PNPLA7: variants seen among roughly 807,000 people sequenced by gnomAD.
PNPLA7 encodes patatin like domain 7, lysophospholipase.
A neutral mutation model predicts 161.7 loss-of-function variants in PNPLA7; 153 were observed. The ratio of observed to expected loss-of-function variants is 0.95; its 90% CI spans 0.83 to 1.08. The LOEUF (loss-of-function observed/expected upper bound fraction) is 1.08. PNPLA7 is among the 50% of genes least tolerant of loss of function. PNPLA7 has a pLI of 0.00. For synonymous variants in PNPLA7, 809 were observed against 782.1 expected (o/e 1.03, Z -0.57); for missense variants, 1,739 against 1,856.6 (o/e 0.94, Z 1.16).
At chr9:137,483,418 T>C (rs990974198) in intron 21 of PNPLA7, among the ~76,000 whole-genome samples, 1 of 152,226 alleles carries the variant, frequency 6.6e-6, no homozygotes, top group African/African-American at 2.4e-5. Context: ...AGGCAATCCA[T>C]GCTTTATGTG....
chr9:137,500,323 C>T lies in PNPLA7; in HGVS notation c.1757+368G>A, dbSNP rs771795412. 3.9e-5 allele frequency among the ~76,000 whole-genome samples: 6 copies of T among 152,350 alleles called. No individual in the cohort carries two copies. Among genetic ancestry groups the T allele is most frequent in the Non-Finnish European group, 5.9e-5 (4 of 68,032 alleles). ...CAGGCTGCAGAGGTGGGACGGCTCA[C>T]GGCCCCTGAAGCCCGGCCCTGCCCC... On this transcript the variant is annotated intron_variant, in intron 16 of 34. Transcript: ENST00000406427. This position sits in a 1 kb window ranked among gnomAD's most constrained non-coding sequence, Gnocchi z 5.5.
chr9:137,492,863 A>G (rs1832844946), intron 20 of PNPLA7, 150 bp downstream of exon 20: 1 of 663,464 alleles, frequency 1.5e-6, no homozygotes. Context: ...GCAGGGCTTC[A>G]TGACAGGGAA....
intron 22 of PNPLA7, 64 bp from the exon 23 acceptor site, chr9:137,480,544 C>T (rs1564293516): frequency 2.6e-6 from 4 of 1,527,984 alleles, no homozygotes; most frequent in East Asian, 4.6e-5. Flanking sequence ...GCACATGTCC[C>T]CGGGGCAAAG....
intron 18 of PNPLA7, 118 bp downstream of exon 18, chr9:137,497,069 A>G (rs1279486598): frequency 7.9e-7 from 1 of 1,262,594 alleles, no homozygotes; most frequent in Admixed American, 4.0e-5. Context: ...CACTACTACC[A>G]TCCACTCCTG....
At chr9:137,503,934 A>AT (rs1833729645) in intron 14 of PNPLA7, among the ~76,000 whole-genome samples, 1 of 120,604 alleles carries the variant, frequency 8.3e-6, no homozygotes, top group Non-Finnish European at 1.9e-5. Flanking sequence ...AGAAGGAAGA[A>AT]GAAGAAGGAA....
chr9:137,483,972 C>T (rs956909154), intron 21 of PNPLA7, among the ~76,000 whole-genome samples: 4 of 151,940 alleles, frequency 2.6e-5, no homozygotes, highest in Admixed American at 6.6e-5. Context: ...CTTGCTCTGT[C>T]GCCCAGGCTG....
chr9:137,468,205 C>A lies in PNPLA7; in HGVS notation c.2883-732G>T, dbSNP rs73669106. ...CACCCCCGAGACCAGGGGGCACCCC[C>A]GAGACCAGGCAGCCGGCACCCAGGG... On this transcript the variant is annotated intron_variant, in intron 25 of 34. Coordinates refer to ENST00000406427, the MANE Select transcript of PNPLA7 (RefSeq NM_001098537.3). This position sits in a 1 kb window ranked among gnomAD's most constrained non-coding sequence, Gnocchi z 4.0. Among the ~76,000 whole-genome samples the A allele has an allele frequency of 8.5e-5, 13 of 152,072 alleles. No individual in the cohort carries two copies. In the East Asian group the frequency reaches 2.5e-3, roughly 29 times the overall value.
rs1413426088 is a variant in PNPLA7 at position 137,499,502 on chromosome 9, G to C, written c.1757+1189C>G. ...TGGAGCAGCTGGGGATGCTCAGGAG[G>C]GAGATGGGTCCAGCTCCACCCAGGG... On this transcript the variant is annotated intron_variant, in intron 16 of 34. Transcript: ENST00000406427. The surrounding 1 kb of genome is among the most constrained non-coding windows in gnomAD (Gnocchi z 5.5). 5.9e-5 allele frequency among the ~76,000 whole-genome samples: 9 copies of C among 152,216 alleles called. No homozygotes were observed.
rs768304170 is a variant in PNPLA7, at chr9:137,540,687, C to T, written c.702G>A (p.Ala234=). 35 of 1,611,936 alleles carry T rather than the reference C, an allele frequency of 2.2e-5. No individual in the cohort carries two copies. Among genetic ancestry groups the T allele is most frequent in the African/African-American group, 2.7e-5 (2 of 74,916 alleles). ...TGAGCAGGCTGTGGACGCTGTCTCC[C>T]GCCAGAACCTCTTTCACCACCACCT... ...GTEVVVKEVL[A]GDSVHSLLSI... The change falls in exon 8 of 35, where the codon GCG becomes GCA. Residue 234 remains alanine, a synonymous_variant. Coordinates refer to ENST00000406427, the MANE Select transcript of PNPLA7 (RefSeq NM_001098537.3). This position sits in a 1 kb window ranked among gnomAD's most constrained non-coding sequence, Gnocchi z 5.1.
intron 14 of PNPLA7, among the ~76,000 whole-genome samples, chr9:137,504,294 A>G (rs1833796691): frequency 6.6e-6 from 1 of 152,050 alleles, no homozygotes; most frequent in Non-Finnish European, 1.5e-5. Flanking sequence ...TCACTGCAAC[A>G]TCCGTCTCCC....
At chr9:137,469,389 T>C (rs1484212838) in intron 25 of PNPLA7, among the ~76,000 whole-genome samples, 1 of 152,192 alleles carries the variant, frequency 6.6e-6, no homozygotes, top group Non-Finnish European at 1.5e-5. Context: ...GGGAGCTGTA[T>C]CTGAAGAGAC....
intron 24 of PNPLA7, chr9:137,478,834 C>G (rs866215318): frequency 6.2e-5 from 37 of 601,444 alleles, no homozygotes; most frequent in African/African-American, 4.0e-4. Flanking sequence ...CGATGGCCGC[C>G]CTGTGCCTGC....
At chr9:137,462,933 G>C (rs1451588225) in intron 29 of PNPLA7, 100 bp from the exon 30 acceptor site, 4 of 1,502,602 alleles carry the variant, frequency 2.7e-6, no homozygotes, top group Non-Finnish European at 3.6e-6. Flanking sequence ...GGGGTTGTGG[G>C]GTCTCCTCTC....
chr9:137,517,716 T>TCACG (rs1834686029), intron 11 of PNPLA7, among the ~76,000 whole-genome samples: 1 of 66,302 alleles, frequency 1.5e-5, no homozygotes, highest in African/African-American at 8.8e-5. Context: ...CATCCCCCAC[T>TCACG]CACTCACTCC....
At chr9:137,549,569 CA>C (rs57732454) in intron 1 of PNPLA7, among the ~76,000 whole-genome samples, 4,237 of 95,962 alleles carry the variant, frequency 0.044, 116 homozygotes, top group African/African-American at 0.11. Context: ...GACTCCGTCT[CA>C]AAAAAAAAAA....
chr9:137,538,391 G>T (rs2132603513), intron 8 of PNPLA7, among the ~76,000 whole-genome samples: 1 of 152,360 alleles, frequency 6.6e-6, no homozygotes, highest in Admixed American at 6.5e-5. Context: ...CCCGATGTCT[G>T]GCTGGAGCTT....
chr9:137,494,485 TCAC>T (rs753849477), intron 19 of PNPLA7, among the ~76,000 whole-genome samples: 2 of 152,130 alleles, frequency 1.3e-5, no homozygotes, highest in African/African-American at 2.4e-5. Context: ...GACCGAATGA[TCAC>T]CACAACTCAG....
chr9:137,518,175 C>T (rs1397290123), intron 11 of PNPLA7, among the ~76,000 whole-genome samples: 13 of 111,626 alleles, frequency 1.2e-4, no homozygotes, highest in East Asian at 2.7e-4. Flanking sequence ...TCCACTCTGT[C>T]CACTCCATCC....
At position 137,462,059 on chromosome 9, in the gene PNPLA7, GCCC is replaced by G; in HGVS notation, c.3646-21_3646-19del. Reference sequence around the variant, plus strand: ...CCCACTTCCTGTGCACACCCCCAGGGCCCCGTCAGGAGGTGTGGGGAGCCCCCC... The same window carrying G: ...CCCACTTCCTGTGCACACCCCCAGGGCGTCAGGAGGTGTGGGGAGCCCCCC... On this transcript the variant is annotated intron_variant, in intron 31 of 34. Coordinates refer to ENST00000406427, the MANE Select transcript of PNPLA7 (RefSeq NM_001098537.3). 3 of 1,561,310 alleles carry G rather than the reference GCCC, an allele frequency of 1.9e-6. No individual in the cohort carries two copies. Among genetic ancestry groups the G allele is most frequent in the Non-Finnish European group, 2.6e-6 (3 of 1,152,392 alleles).
Sources: gnomAD v4.1 joint callset for allele counts (sites outside exome capture counted in the v4.1 genomes callset) on GRCh38, gnomAD v4.1.1 for gene constraint, Gnocchi (gnomAD v3.1) non-coding constraint, MANE v1.5 for transcripts, NCBI Gene and HGNC (gene_info 2026-07-23, HGNC 2026-07-21) for gene names.